Variants in CSMD1 observed in about 807,000 individuals in gnomAD.
CSMD1 encodes CUB and sushi domain-containing protein 1.
CSMD1 carries 213 observed loss-of-function variants against 417.5 expected under a neutral mutation model. That is an observed-to-expected ratio of 0.51 (90% CI 0.46 to 0.57). CSMD1 has a LOEUF of 0.57. Ranked by LOEUF, CSMD1 falls within the 20% of genes least tolerant of loss-of-function variation. CSMD1 has a pLI of 0.00. For synonymous variants in CSMD1, 2,862 were observed against 1,736.8 expected, an observed-to-expected ratio of 1.65 and a Z score of -16.11; for missense variants, 6,923 against 4,529.7, an observed-to-expected ratio of 1.53 and a Z score of -15.17.
intron 3 of CSMD1, among the ~76,000 whole-genome samples, chr8:4,221,401 T>C (rs1038047626): frequency 3.7e-4 from 56 of 151,152 alleles, no homozygotes; most frequent in African/African-American, 9.2e-4. Context: ...AAACAACACA[T>C]TGACAGCAGC....
intron 5 of CSMD1, among the ~76,000 whole-genome samples, chr8:3,754,596 A>T (rs1400293553): frequency 6.6e-6 from 1 of 152,170 alleles, no homozygotes; most frequent in Non-Finnish European, 1.5e-5. Context: ...CTGGGATTAC[A>T]GGCATGCGCC....
At chr8:4,401,519 T>C (rs745937278) in intron 3 of CSMD1, among the ~76,000 whole-genome samples, 5 of 152,116 alleles carry the variant, frequency 3.3e-5, no homozygotes, top group Admixed American at 1.3e-4. Context: ...CCAGGTCAGC[T>C]TCTACCCTCC....
chr8:4,151,117 T>A (rs1167971332), intron 3 of CSMD1, among the ~76,000 whole-genome samples: 4 of 152,174 alleles, frequency 2.6e-5, no homozygotes, highest in Admixed American at 2.6e-4. Flanking sequence ...GCAGAAGATA[T>A]TAGGATCCCT....
At chr8:4,047,069 G>A (rs1050207275) in intron 3 of CSMD1, among the ~76,000 whole-genome samples, 1 of 152,176 alleles carries the variant, frequency 6.6e-6, no homozygotes, top group African/African-American at 2.4e-5. Context: ...AGAATTAAAT[G>A]TGGTCTTTAA....
chr8:4,162,742 G>A lies in CSMD1; in HGVS notation c.416-130643C>T, dbSNP rs1020414324. 4.6e-5 allele frequency among the ~76,000 whole-genome samples: 7 copies of A among 152,154 alleles called. No homozygotes were observed. The South Asian group carries it at 8.3e-4, about 18-fold the overall frequency. ...TTGTTCCAATCGATGAACTTACATT[G>A]GTAAGTCATTATCATCCAAACCCCC... is the stretch of plus-strand genomic sequence containing the variant. On this transcript the variant is annotated intron_variant, in intron 3 of 69. Transcript: ENST00000635120.
At chr8:3,636,915 G>A (rs1797079405) in intron 7 of CSMD1, among the ~76,000 whole-genome samples, 2 of 152,132 alleles carry the variant, frequency 1.3e-5, no homozygotes, top group African/African-American at 4.8e-5. Context: ...TGAGTTCTCT[G>A]CCCTCATGAA....
chr8:4,900,563 C>T (rs1367357565), intron 1 of CSMD1, among the ~76,000 whole-genome samples: 1 of 152,142 alleles, frequency 6.6e-6, no homozygotes, highest in East Asian at 1.9e-4. Context: ...CATGCTTCTC[C>T]CAGTGCCACC....
chr8:3,574,957 G>T lies in CSMD1; in HGVS notation c.1332C>A (p.Thr444=). 6.2e-7 allele frequency: 1 copy of T among 1,612,310 alleles called. No individual in the cohort carries two copies. Among genetic ancestry groups the T allele is most frequent in the African/African-American group, 1.3e-5 (1 of 74,994 alleles). Residue 444 remains threonine, a synonymous_variant, in exon 10 of 70, where the codon ACC becomes ACA. Transcript: ENST00000635120. The part of the protein sequence containing the change: ...NAHCVWVITT[T]DPDKVIKLAF... ...GGCGGAGCCTTACCTTGTCCGGGTC[G>T]GTGGTGGTGATGACCCACACACAGT... is the stretch of plus-strand genomic sequence containing the variant.
chr8:3,364,578 G>A (rs981041135), intron 20 of CSMD1, among the ~76,000 whole-genome samples: 7 of 152,146 alleles, frequency 4.6e-5, no homozygotes, highest in Non-Finnish European at 8.8e-5. Flanking sequence ...TCCATGTGCT[G>A]GAAATTTGAT....
intron 3 of CSMD1, among the ~76,000 whole-genome samples, chr8:4,275,759 T>G (rs1247436870): frequency 2.6e-5 from 4 of 152,184 alleles, no homozygotes; most frequent in Non-Finnish European, 5.9e-5. Flanking sequence ...GCAAAACACT[T>G]TAGTCACAGA....
At chr8:3,572,295 G>C (rs1171750290) in intron 10 of CSMD1, among the ~76,000 whole-genome samples, 1 of 152,182 alleles carries the variant, frequency 6.6e-6, no homozygotes, top group Non-Finnish European at 1.5e-5. Context: ...GCCTGGGGCA[G>C]AAAGCAGGAG....
intron 39 of CSMD1, 76 bp from the exon 40 acceptor site, chr8:3,151,589 C>T (rs1283396532): frequency 1.7e-5 from 15 of 884,698 alleles, no homozygotes; most frequent in Middle Eastern, 2.2e-4. Flanking sequence ...CTGCTTCACT[C>T]AACTATGCTG....
chr8:3,116,322 GT>G (rs1214453546), intron 42 of CSMD1, among the ~76,000 whole-genome samples: 2 of 151,748 alleles, frequency 1.3e-5, no homozygotes, highest in Non-Finnish European at 2.9e-5. Context: ...AAATATAATA[GT>G]AAAAATGTTT....
At chr8:4,292,832 G>A (rs1015300527) in intron 3 of CSMD1, among the ~76,000 whole-genome samples, 1 of 152,094 alleles carries the variant, frequency 6.6e-6, no homozygotes, top group African/African-American at 2.4e-5. Context: ...AAGAGTCAGG[G>A]TCCCTAAGAA....
chr8:4,950,628 A>G (rs1408159508), intron 1 of CSMD1, among the ~76,000 whole-genome samples: 1 of 152,216 alleles, frequency 6.6e-6, no homozygotes, highest in African/African-American at 2.4e-5. Flanking sequence ...CTTTTGTGGT[A>G]ATATTTGTCA....
chr8:4,480,257 T>C (rs116024138), intron 2 of CSMD1, among the ~76,000 whole-genome samples: 3,928 of 151,626 alleles, frequency 0.026, 88 homozygotes, highest in Middle Eastern at 0.086. Flanking sequence ...ACTTCTCATG[T>C]CTAGGGTAGC....
In CSMD1 at chr8:3,617,770, C is replaced by T. The variant is rs948639772; in HGVS notation, c.1010-973G>A. Among the ~76,000 whole-genome samples, 3 of 152,260 alleles carry T rather than the reference C, an allele frequency of 2.0e-5. No individual in the cohort carries two copies. In the South Asian group the frequency reaches 6.2e-4, roughly 32 times the overall value. ...AAATCAACCAATTTAGGAGCAATGTCGCAATTCTGAACATTCTGTTGTATT... is the reference window on the plus strand; with the variant it reads ...AAATCAACCAATTTAGGAGCAATGTTGCAATTCTGAACATTCTGTTGTATT... On this transcript the variant is annotated intron_variant, in intron 7 of 69. Coordinates refer to ENST00000635120, the MANE Select transcript of CSMD1 (RefSeq NM_033225.6).
chr8:4,638,882 TTG>T (rs1803019763), intron 1 of CSMD1, among the ~76,000 whole-genome samples: 1 of 152,168 alleles, frequency 6.6e-6, no homozygotes, highest in Non-Finnish European at 1.5e-5. Flanking sequence ...TCTGAAGATT[TTG>T]TGTTATTGAT....
At chr8:4,493,644 A>G (rs1409070106) in intron 2 of CSMD1, among the ~76,000 whole-genome samples, 1 of 152,180 alleles carries the variant, frequency 6.6e-6, no homozygotes, top group African/African-American at 2.4e-5. Context: ...GGAGTGAGCT[A>G]TGAGCGTGCC....
Sources: allele counts gnomAD v4.1 joint callset (sites outside exome capture counted in the v4.1 genomes callset), GRCh38; gene constraint gnomAD v4.1.1; transcripts MANE v1.5; gene names NCBI Gene and HGNC (gene_info 2026-07-23, HGNC 2026-07-21).